Variants in KL observed in about 807,000 individuals in gnomAD.
The protein encoded by KL is klotho, also known as alpha-klotho.
A neutral mutation model predicts 84.2 loss-of-function variants in KL; 62 were observed. That is an observed-to-expected ratio of 0.74 (90% CI 0.60 to 0.91). KL has a LOEUF of 0.91. Ranked by LOEUF, KL falls within the 40% of genes least tolerant of loss-of-function variation. The pLI, the probability that KL is intolerant of heterozygous loss-of-function variation, is 0.00. For synonymous variants in KL, 528 were observed against 528.0 expected (o/e 1.00, Z 0.00); for missense variants, 1,261 against 1,305.7 (o/e 0.97, Z 0.53).
intron 1 of KL, among the ~76,000 whole-genome samples, chr13:33,047,416 A>C (rs1871576701): frequency 6.6e-6 from 1 of 151,256 alleles, no homozygotes; most frequent in African/African-American, 2.4e-5. Flanking sequence ...GCAGTGGCAC[A>C]ATCTTGGCTC....
chr13:33,059,922 A>C (rs558235704), intron 3 of KL, among the ~76,000 whole-genome samples: 1 of 152,324 alleles, frequency 6.6e-6, no homozygotes, highest in South Asian at 2.1e-4. Context: ...GCACAATTTA[A>C]TTATAAATAT....
At chr13:33,034,656 A>T (rs1381447230) in intron 1 of KL, among the ~76,000 whole-genome samples, 3 of 152,038 alleles carry the variant, frequency 2.0e-5, no homozygotes, top group African/African-American at 4.8e-5. Flanking sequence ...ATTTACATTT[A>T]TTATGTTTGT....
At chr13:33,038,056 A>G (rs1207361) in intron 1 of KL, among the ~76,000 whole-genome samples, 43,005 of 152,034 alleles carry the variant, frequency 0.28, 6,630 homozygotes, top group East Asian at 0.52. Context: ...TATCCTGCCA[A>G]TTTTCCACAT....
chr13:33,035,714 T>C (rs1871127906), intron 1 of KL, among the ~76,000 whole-genome samples: 1 of 152,202 alleles, frequency 6.6e-6, no homozygotes, highest in Non-Finnish European at 1.5e-5. Flanking sequence ...CCAGTAATAA[T>C]TCTGTGATTA....
intron 1 of KL, among the ~76,000 whole-genome samples, chr13:33,047,570 C>A (rs1324647739): frequency 6.6e-6 from 1 of 152,154 alleles, no homozygotes; most frequent in African/African-American, 2.4e-5. Flanking sequence ...CCTCGTGATC[C>A]ACCTGCCTTG....
At chr13:33,046,615 A>G (rs1871538537) in intron 1 of KL, among the ~76,000 whole-genome samples, 1 of 151,116 alleles carries the variant, frequency 6.6e-6, no homozygotes, top group South Asian at 2.1e-4. Context: ...TGATTCTATA[A>G]TTTTTCTGCT....
Position 33,016,912 on chromosome 13 carries a change from C to A in KL, c.472C>A (p.Pro158Thr). 6.2e-7 allele frequency: 1 copy of A among 1,611,718 alleles called. No homozygotes were observed. The highest frequency in any genetic ancestry group is 8.5e-7 in the Non-Finnish European group (1 of 1,179,604). Residue 158 changes from proline (P) to threonine (T), a missense_variant, in exon 1 of 5, where the codon CCC becomes ACC. Coordinates refer to ENST00000380099, the MANE Select transcript of KL (RefSeq NM_004795.4). ...CTCCATCTCGTGGGCGCGAGTGCTC[C>A]CCAATGGCAGCGCGGGCGTCCCCAA... ...RFSISWARVLPNGSAGVPNRE... is the reference protein window; with the variant it reads ...RFSISWARVLTNGSAGVPNRE...
Position 33,054,217 on chromosome 13 carries a change from A to G in KL, c.1270A>G (p.Lys424Glu). 5 of 1,612,678 alleles carry G rather than the reference A, an allele frequency of 3.1e-6. No homozygotes were observed. The highest frequency in any genetic ancestry group is 4.2e-6 in the Non-Finnish European group (5 of 1,179,388). ...TGGCTGGTTTGTCTCAGGGACCACC[A>G]AGAGAGATGATGCCAAATATATGTA... ...ENGWFVSGTT[K>E]RDDAKYMYYL... Residue 424 changes from lysine (K) to glutamate (E), a missense_variant, in exon 2 of 5, where the codon AAG (lysine) becomes GAG (glutamate). Transcript: ENST00000380099.
At chr13:33,026,967 T>A (rs1385281005) in intron 1 of KL, among the ~76,000 whole-genome samples, 1 of 152,226 alleles carries the variant, frequency 6.6e-6, no homozygotes. Flanking sequence ...CTGCTCAGCA[T>A]TGGGCATCCC....
At chr13:33,052,773 A>G (rs944751397) in intron 1 of KL, among the ~76,000 whole-genome samples, 6 of 152,226 alleles carry the variant, frequency 3.9e-5, no homozygotes, top group Non-Finnish European at 8.8e-5. Flanking sequence ...ATATGGAGTC[A>G]AACAGAGAAT....
In KL at chr13:33,055,201, G is replaced by C. The variant is rs1871911698; in HGVS notation, c.1485G>C (p.Leu495Phe). Residue 495 changes from leucine (L) to phenylalanine (F), a missense_variant, in exon 3 of 5, where the codon TTG (leucine) becomes TTC (phenylalanine). Coordinates refer to ENST00000380099, the MANE Select transcript of KL (RefSeq NM_004795.4). ...TGTTGTTGCCAAAGTCTTCAGCCTT[G>C]TTCTACCAAAAGCTGATAGAGAAAA... is the stretch of plus-strand genomic sequence containing the variant. ...DKMLLPKSSA[L>F]FYQKLIEKNG... is the part of the protein sequence containing the mutation. The C allele has an allele frequency of 3.7e-6, 6 of 1,614,208 alleles. No homozygotes were observed. The East Asian group carries it at 1.1e-4, about 30-fold the overall frequency.
At chr13:33,025,313 C>T (rs1362019635) in intron 1 of KL, among the ~76,000 whole-genome samples, 1 of 152,166 alleles carries the variant, frequency 6.6e-6, no homozygotes, top group Admixed American at 6.5e-5. Context: ...GCAGATCCTA[C>T]AGTGTCTGTT....
chr13:33,063,215 A>T (rs1241208684), intron 4 of KL, among the ~76,000 whole-genome samples: 1 of 151,810 alleles, frequency 6.6e-6, no homozygotes, highest in Non-Finnish European at 1.5e-5. Context: ...GTTAAGTTTC[A>T]GCATACAATG....
At chr13:33,046,388 C>T (rs1242160712) in intron 1 of KL, among the ~76,000 whole-genome samples, 1 of 152,114 alleles carries the variant, frequency 6.6e-6, no homozygotes, top group African/African-American at 2.4e-5. Flanking sequence ...GGAATTTGGC[C>T]AGGTCATCTC....
chr13:33,035,736 G>A (rs1269963457), intron 1 of KL, among the ~76,000 whole-genome samples: 2 of 152,142 alleles, frequency 1.3e-5, no homozygotes, highest in Non-Finnish European at 2.9e-5. Context: ...TGGGTTAGAT[G>A]GATTCTGGTC....
At chr13:33,035,344 C>T (rs915779914) in intron 1 of KL, among the ~76,000 whole-genome samples, 1 of 152,098 alleles carries the variant, frequency 6.6e-6, no homozygotes, top group Non-Finnish European at 1.5e-5. Context: ...TAACTTAAAG[C>T]AGGAGAATTA....
chr13:33,060,263 G>GTTTTTTCTTTTTTTCATCTAGTT (rs1555335179), intron 3 of KL, among the ~76,000 whole-genome samples: 1 of 152,084 alleles, frequency 6.6e-6, no homozygotes, highest in African/African-American at 2.4e-5. Context: ...CACATTTTAA[G>GTTTTTTCTTTTTTTCATCTAGTT]TTTTTTCTTT....
At chr13:33,029,949 TA>T (rs1373744170) in intron 1 of KL, among the ~76,000 whole-genome samples, 4 of 143,336 alleles carry the variant, frequency 2.8e-5, no homozygotes, top group Non-Finnish European at 3.1e-5. Flanking sequence ...TTTTTTTTTT[TA>T]AAGGAATTTA....
At chr13:33,029,786 G>A (rs902755028) in intron 1 of KL, among the ~76,000 whole-genome samples, 1 of 152,036 alleles carries the variant, frequency 6.6e-6, no homozygotes, top group East Asian at 1.9e-4. Context: ...GGCACCTGCC[G>A]CCATGCCTGG....
Sources: gnomAD v4.1 joint callset for allele counts (sites outside exome capture counted in the v4.1 genomes callset) on GRCh38, gnomAD v4.1.1 for gene constraint, MANE v1.5 for transcripts, NCBI Gene and HGNC (gene_info 2026-07-23, HGNC 2026-07-21) for gene names.